Variants in SERGEF observed in about 807,000 individuals in gnomAD.
The protein encoded by SERGEF is secretion regulating guanine nucleotide exchange factor, also known as secretion-regulating guanine nucleotide exchange factor.
A neutral mutation model predicts 50.0 loss-of-function variants in SERGEF; 51 were observed. The observed-to-expected ratio is 1.02, with a 90% CI of 0.81 to 1.29. The LOEUF (loss-of-function observed/expected upper bound fraction) is 1.29, where lower values mean the gene tolerates loss of function less well. SERGEF is among the 50% of genes most tolerant of loss of function. The pLI is 0.00. For synonymous variants in SERGEF, 205 were observed against 212.4 expected (o/e 0.97, Z 0.30); for missense variants, 521 against 557.0 (o/e 0.94, Z 0.65).
intron 9 of SERGEF, chr11:17,926,921 G>C (rs181929818): frequency 2.2e-6 from 1 of 447,822 alleles, no homozygotes; most frequent in East Asian, 7.0e-5. Context: ...ACTGCAGACT[G>C]TCTGCTCCTA....
chr11:17,799,978 G>A lies in SERGEF; in HGVS notation c.1049-11565C>T, dbSNP rs1046568112. 4.6e-5 allele frequency among the ~76,000 whole-genome samples: 7 copies of A among 152,298 alleles called. No homozygotes were observed. The South Asian group carries it at 1.2e-3, about 27-fold the overall frequency. ...GGAAAGATTTGCTCAGGAAGACCAG[G>A]CAGTGGCTAATTCCTGAGATGGATC... On this transcript the variant is annotated intron_variant, in intron 10 of 10. Coordinates refer to ENST00000265965, the MANE Select transcript of SERGEF (RefSeq NM_012139.4).
chr11:17,901,480 C>A (rs1024022765), intron 9 of SERGEF, among the ~76,000 whole-genome samples: 7 of 152,208 alleles, frequency 4.6e-5, no homozygotes, highest in African/African-American at 1.4e-4. Context: ...ACTTTTACAG[C>A]CTACATCCCA....
chr11:18,005,116 A>G (rs11024446), intron 3 of SERGEF, among the ~76,000 whole-genome samples: 48,681 of 152,210 alleles, frequency 0.32, 9,299 homozygotes, highest in East Asian at 0.5. Context: ...AGCCTTTACC[A>G]GTGAAAAGCC....
chr11:17,964,821 A>T (rs1853083508), intron 8 of SERGEF, among the ~76,000 whole-genome samples: 1 of 152,210 alleles, frequency 6.6e-6, no homozygotes, highest in Non-Finnish European at 1.5e-5. Flanking sequence ...GACTTCTGTA[A>T]CTCATCCTTC....
At chr11:17,970,236 A>G (rs974037666) in intron 8 of SERGEF, among the ~76,000 whole-genome samples, 3 of 152,182 alleles carry the variant, frequency 2.0e-5, no homozygotes, top group African/African-American at 7.2e-5. Flanking sequence ...AATTTTTGCA[A>G]TATTTCAAAC....
chr11:18,001,197 G>C (rs1249929820), intron 4 of SERGEF, among the ~76,000 whole-genome samples: 3 of 152,190 alleles, frequency 2.0e-5, no homozygotes, highest in Non-Finnish European at 4.4e-5. Context: ...AATATTTGAA[G>C]ACAGTTGTCA....
chr11:17,881,246 G>A (rs1447018379), intron 9 of SERGEF, among the ~76,000 whole-genome samples: 3 of 152,144 alleles, frequency 2.0e-5, no homozygotes, highest in Non-Finnish European at 4.4e-5. Flanking sequence ...CTGACTGCTG[G>A]GGTTCACCCT....
chr11:17,850,428 A>C (rs1452238464), intron 10 of SERGEF, among the ~76,000 whole-genome samples: 3 of 152,208 alleles, frequency 2.0e-5, no homozygotes, highest in Non-Finnish European at 4.4e-5. Flanking sequence ...TGTTGCAATG[A>C]TTAAATGTTA....
At chr11:17,875,793 T>C (rs1040311838) in intron 10 of SERGEF, among the ~76,000 whole-genome samples, 3 of 152,218 alleles carry the variant, frequency 2.0e-5, no homozygotes, top group Non-Finnish European at 4.4e-5. Context: ...CTTATACCCT[T>C]GGGCAAAGTT....
At chr11:17,949,458 G>T (rs558133528) in intron 9 of SERGEF, among the ~76,000 whole-genome samples, 1 of 152,108 alleles carries the variant, frequency 6.6e-6, no homozygotes, top group Non-Finnish European at 1.5e-5. Flanking sequence ...TTATATAGGG[G>T]AATGAGCCAC....
At chr11:17,978,852 C>A (rs945168102) in intron 8 of SERGEF, among the ~76,000 whole-genome samples, 17 of 152,174 alleles carry the variant, frequency 1.1e-4, no homozygotes, top group Admixed American at 8.5e-4. Context: ...CATCCCAAGG[C>A]TAGCTGGCTG....
intron 9 of SERGEF, among the ~76,000 whole-genome samples, chr11:17,935,617 G>A (rs1852436534): frequency 6.6e-6 from 1 of 152,136 alleles, no homozygotes; most frequent in Admixed American, 6.6e-5. Context: ...AGTTTATACA[G>A]GTAATTAGGA....
chr11:17,839,142 G>A (rs777870159), intron 10 of SERGEF, among the ~76,000 whole-genome samples: 4 of 152,170 alleles, frequency 2.6e-5, no homozygotes, highest in Non-Finnish European at 5.9e-5. Flanking sequence ...TCTTCAAGTT[G>A]GAGTGGTTCA....
At chr11:17,964,842 G>A (rs1403142250) in intron 8 of SERGEF, among the ~76,000 whole-genome samples, 1 of 152,228 alleles carries the variant, frequency 6.6e-6, no homozygotes, top group African/African-American at 2.4e-5. Context: ...ATTCTGCCAT[G>A]TGGACAGAGA....
At chr11:17,901,031 C>T (rs1354383616) in intron 9 of SERGEF, among the ~76,000 whole-genome samples, 1 of 152,016 alleles carries the variant, frequency 6.6e-6, no homozygotes, top group Admixed American at 6.6e-5. Context: ...CCCACCTCAT[C>T]CCTTCCCACC....
intron 7 of SERGEF, among the ~76,000 whole-genome samples, chr11:17,992,570 T>C (rs1469874161): frequency 6.6e-6 from 1 of 152,220 alleles, no homozygotes; most frequent in Non-Finnish European, 1.5e-5. Context: ...ATATATGTTA[T>C]ATATAAATTT....
intron 9 of SERGEF, among the ~76,000 whole-genome samples, chr11:17,939,181 GAAGAC>G (rs1852514069): frequency 1.3e-5 from 2 of 152,180 alleles, no homozygotes; most frequent in South Asian, 4.1e-4. Context: ...GCAGGAGTAG[GAAGAC>G]AAGAGTGGCA....
At chr11:17,935,974 T>A (rs1467979679) in intron 9 of SERGEF, among the ~76,000 whole-genome samples, 1 of 152,188 alleles carries the variant, frequency 6.6e-6, no homozygotes, top group Non-Finnish European at 1.5e-5. Flanking sequence ...ATTCAGTCTT[T>A]ATGTGCATAT....
chr11:17,860,118 G>A (rs991916267), intron 10 of SERGEF, among the ~76,000 whole-genome samples: 13 of 152,186 alleles, frequency 8.5e-5, no homozygotes, highest in African/African-American at 3.1e-4. Context: ...GGGGTGGGGA[G>A]ACTGCTGAAA....
Sources: gnomAD v4.1 joint callset for allele counts (sites outside exome capture counted in the v4.1 genomes callset) on GRCh38, gnomAD v4.1.1 for gene constraint, MANE v1.5 for transcripts, NCBI Gene and HGNC (gene_info 2026-07-23, HGNC 2026-07-21) for gene names.